NR2F1-AS1: variants seen among roughly 807,000 people sequenced by gnomAD.
The protein encoded by NR2F1-AS1 is NR2F1 regulatory antisense RNA 1.
At chr5:93,450,351 C>A (rs760495254) in intron 4 of NR2F1-AS1, among the ~76,000 whole-genome samples, 5 of 151,938 alleles carry the variant, frequency 3.3e-5, no homozygotes, top group Non-Finnish European at 5.9e-5. Flanking sequence ...AGTTGTTGTC[C>A]AAAATACCAA....
chr5:93,491,113 G>A (rs1267581477), intron 4 of NR2F1-AS1, among the ~76,000 whole-genome samples: 2 of 151,014 alleles, frequency 1.3e-5, no homozygotes, highest in East Asian at 2.0e-4. Flanking sequence ...TGCTGGTGAT[G>A]AGAGTGGTGG....
chr5:93,460,698 A>G (rs1437456488), intron 4 of NR2F1-AS1, among the ~76,000 whole-genome samples: 1 of 152,200 alleles, frequency 6.6e-6, no homozygotes. Context: ...TTATCAGAAG[A>G]CATACATGCA....
chr5:93,430,004 T>C (rs1226159849), intron 4 of NR2F1-AS1, among the ~76,000 whole-genome samples: 1 of 152,250 alleles, frequency 6.6e-6, no homozygotes, highest in Non-Finnish European at 1.5e-5. Flanking sequence ...ATGCAGAGTT[T>C]AGTGCTTTTC....
At chr5:93,450,371 T>C (rs917767584) in intron 4 of NR2F1-AS1, among the ~76,000 whole-genome samples, 1 of 152,180 alleles carries the variant, frequency 6.6e-6, no homozygotes, top group Non-Finnish European at 1.5e-5. Flanking sequence ...AAATACCTTA[T>C]GAAATTTCGT....
chr5:93,488,909 T>A (rs953007620), intron 4 of NR2F1-AS1, among the ~76,000 whole-genome samples: 1 of 152,154 alleles, frequency 6.6e-6, no homozygotes, highest in African/African-American at 2.4e-5. Context: ...CATGGAATAC[T>A]ATGCAGCCAT....
At chr5:93,480,447 C>T (rs953290306) in intron 4 of NR2F1-AS1, among the ~76,000 whole-genome samples, 2 of 147,100 alleles carry the variant, frequency 1.4e-5, no homozygotes, top group African/African-American at 5.4e-5. Flanking sequence ...GAAATTAAGA[C>T]ACTGCCAGAT....
At chr5:93,502,946 G>A (rs1368117151) in intron 4 of NR2F1-AS1, among the ~76,000 whole-genome samples, 1 of 152,064 alleles carries the variant, frequency 6.6e-6, no homozygotes, top group Admixed American at 6.6e-5. Flanking sequence ...TTTAAAAGCA[G>A]ACACAAAAGA....
chr5:93,550,288 C>G (rs1297932773), intron 4 of NR2F1-AS1, among the ~76,000 whole-genome samples: 1 of 152,096 alleles, frequency 6.6e-6, no homozygotes, highest in Non-Finnish European at 1.5e-5. Flanking sequence ...GAGTTGACCC[C>G]CTTCATTCGG....
chr5:93,413,256 A>G (rs2149839344), intron 4 of NR2F1-AS1, among the ~76,000 whole-genome samples: 1 of 151,486 alleles, frequency 6.6e-6, no homozygotes, highest in South Asian at 2.1e-4. Flanking sequence ...GCTGATCTCT[A>G]GAAAGAAAAG....
intron 4 of NR2F1-AS1, among the ~76,000 whole-genome samples, chr5:93,430,742 T>G (rs1486344812): frequency 6.6e-6 from 1 of 152,160 alleles, no homozygotes; most frequent in Non-Finnish European, 1.5e-5. Context: ...GTCTGAAGTT[T>G]CCCGTCATTA....
chr5:93,466,044 G>C (rs1048566940), intron 4 of NR2F1-AS1, among the ~76,000 whole-genome samples: 3 of 151,646 alleles, frequency 2.0e-5, no homozygotes, highest in Admixed American at 6.6e-5. Flanking sequence ...TGCACGTTGT[G>C]CACATGTACC....
At chr5:93,414,637 A>G (rs968929564) in intron 4 of NR2F1-AS1, among the ~76,000 whole-genome samples, 1 of 152,052 alleles carries the variant, frequency 6.6e-6, no homozygotes, top group Non-Finnish European at 1.5e-5. Context: ...TCTTGCCACT[A>G]TATCAGGGTT....
chr5:93,510,280 T>C (rs1007917318), intron 4 of NR2F1-AS1, among the ~76,000 whole-genome samples: 1 of 152,170 alleles, frequency 6.6e-6, no homozygotes, highest in South Asian at 2.1e-4. Flanking sequence ...CTGATTTCAC[T>C]GCAATTCTTT....
chr5:93,455,853 A>G (rs1192797333), intron 4 of NR2F1-AS1, among the ~76,000 whole-genome samples: 1 of 151,984 alleles, frequency 6.6e-6, no homozygotes, highest in African/African-American at 2.4e-5. Flanking sequence ...GCACACACAC[A>G]CACACACACA....
chr5:93,420,714 A>G (rs750303762), intron 4 of NR2F1-AS1, among the ~76,000 whole-genome samples: 1 of 152,224 alleles, frequency 6.6e-6, no homozygotes, highest in Non-Finnish European at 1.5e-5. Flanking sequence ...TTACTGAGAC[A>G]TGAACAAAAG....
intron 4 of NR2F1-AS1, among the ~76,000 whole-genome samples, chr5:93,468,928 C>G (rs6860632): frequency 0.17 from 26,207 of 152,002 alleles, 3,516 homozygotes; most frequent in African/African-American, 0.38. Context: ...GCTTGTTTTT[C>G]TCAGGTTTGT....
chr5:93,502,408 C>T (rs749262293), intron 4 of NR2F1-AS1, among the ~76,000 whole-genome samples: 10 of 152,056 alleles, frequency 6.6e-5, no homozygotes, highest in Non-Finnish European at 1.5e-4. Flanking sequence ...AGAGGTAACC[C>T]AAAGCCAAAG....
At chr5:93,443,381 C>T (rs1278688671) in intron 4 of NR2F1-AS1, among the ~76,000 whole-genome samples, 7 of 152,072 alleles carry the variant, frequency 4.6e-5, no homozygotes, top group Non-Finnish European at 7.4e-5. Context: ...AAAACCATGG[C>T]GCGAGAATTA....
At chr5:93,441,957 T>C (rs1327351526) in intron 4 of NR2F1-AS1, among the ~76,000 whole-genome samples, 2 of 152,218 alleles carry the variant, frequency 1.3e-5, no homozygotes, top group African/African-American at 2.4e-5. Flanking sequence ...ACTTCTGTGG[T>C]ACAATGACAG....
Sources: allele counts gnomAD v4.1 joint callset (sites outside exome capture counted in the v4.1 genomes callset), GRCh38; gene constraint gnomAD v4.1.1; transcripts MANE v1.5; gene names NCBI Gene and HGNC (gene_info 2026-07-23, HGNC 2026-07-21).